GSG1L: variants seen among roughly 807,000 people sequenced by gnomAD.
GSG1L encodes the protein germ cell-specific gene 1-like protein.
A neutral mutation model predicts 42.1 loss-of-function variants in GSG1L; 24 were observed. The ratio of observed to expected loss-of-function variants is 0.57; its 90% CI spans 0.41 to 0.80. The LOEUF is 0.80. GSG1L is among the 30% of genes least tolerant of loss of function. The pLI is 0.00. For synonymous variants in GSG1L, 215 were observed against 203.5 expected, an observed-to-expected ratio of 1.06 and a Z score of -0.48; for missense variants, 445 against 472.2, an observed-to-expected ratio of 0.94 and a Z score of 0.53.
At chr16:28,031,443 G>A (rs2085963416) in intron 1 of GSG1L, among the ~76,000 whole-genome samples, 1 of 151,856 alleles carries the variant, frequency 6.6e-6, no homozygotes, top group Non-Finnish European at 1.5e-5. Context: ...TGGGATGATG[G>A]GATGGGATGG....
intron 1 of GSG1L, among the ~76,000 whole-genome samples, chr16:28,028,001 G>C (rs533255456): frequency 3.9e-5 from 6 of 152,298 alleles, no homozygotes; most frequent in African/African-American, 1.2e-4. Context: ...GACACCTAAG[G>C]CCTCAGCAGC....
chr16:27,801,165 C>A (rs940747673), intron 6 of GSG1L, among the ~76,000 whole-genome samples: 1 of 152,100 alleles, frequency 6.6e-6, no homozygotes, highest in Non-Finnish European at 1.5e-5. Context: ...GTCAGGTTGG[C>A]TGGGGCAGCA....
At chr16:27,847,726 G>A (rs1444767262) in intron 3 of GSG1L, among the ~76,000 whole-genome samples, 1 of 152,216 alleles carries the variant, frequency 6.6e-6, no homozygotes, top group African/African-American at 2.4e-5. Context: ...GTGATAGCGA[G>A]TGAGTTCTCA....
chr16:27,807,869 C>CGAAT (rs921076318), intron 5 of GSG1L, among the ~76,000 whole-genome samples: 1 of 152,052 alleles, frequency 6.6e-6, no homozygotes, highest in Non-Finnish European at 1.5e-5. Context: ...AAATTATTTG[C>CGAAT]GAATGGTATA....
At chr16:28,021,597 T>A (rs898850214) in intron 1 of GSG1L, among the ~76,000 whole-genome samples, 6 of 152,170 alleles carry the variant, frequency 3.9e-5, no homozygotes, top group African/African-American at 1.2e-4. Context: ...ATTTAATCAG[T>A]TAAATAATGC....
At chr16:27,822,667 C>G (rs773616681) in intron 5 of GSG1L, among the ~76,000 whole-genome samples, 71 of 152,116 alleles carry the variant, frequency 4.7e-4, no homozygotes, top group Non-Finnish European at 9.3e-4. Flanking sequence ...GATCTGCCTG[C>G]ATCAGCCTCC....
chr16:27,891,884 CT>C lies in GSG1L; in HGVS notation c.398-7247del, dbSNP rs60746199. Among the ~76,000 whole-genome samples the C allele has an allele frequency of 3.5e-3, 257 of 74,298 alleles. 2 individuals are homozygous for C. In the East Asian group the frequency reaches 0.042, roughly 12 times the overall value. 48.7% of individuals were successfully genotyped at this position (74,298 alleles called of 152,430 possible). On this transcript the variant is annotated intron_variant, in intron 2 of 6. Coordinates refer to ENST00000447459, the MANE Select transcript of GSG1L (RefSeq NM_001109763.2). ...TCTGCAGGTACCGTCAGTGACAGATCTTTTTTTTTTTTTTTTTTTTTTTTAA... is the reference window on the plus strand; with the variant it reads ...TCTGCAGGTACCGTCAGTGACAGATCTTTTTTTTTTTTTTTTTTTTTTTAA...
At chr16:27,855,512 G>C (rs1406446317) in intron 3 of GSG1L, among the ~76,000 whole-genome samples, 2 of 152,014 alleles carry the variant, frequency 1.3e-5, no homozygotes, top group South Asian at 4.1e-4. Context: ...CTGAGGTCAG[G>C]AGTTCGAGAC....
intron 4 of GSG1L, among the ~76,000 whole-genome samples, chr16:27,836,955 G>A (rs746505685): frequency 6.6e-6 from 1 of 152,182 alleles, no homozygotes; most frequent in Non-Finnish European, 1.5e-5. Context: ...GCTCTAGTTG[G>A]CTTCCTTTCA....
chr16:27,891,699 C>T (rs1418999399), intron 2 of GSG1L, among the ~76,000 whole-genome samples: 8 of 151,918 alleles, frequency 5.3e-5, no homozygotes, highest in African/African-American at 1.7e-4. Context: ...TCTGAAACTC[C>T]TGGGCTCAAG....
intron 5 of GSG1L, among the ~76,000 whole-genome samples, chr16:27,827,901 TCC>T (rs34909926): frequency 0.044 from 3,206 of 72,092 alleles, 50 homozygotes; most frequent in African/African-American, 0.068. Context: ...CATCCATCCA[TCC>T]CTTCACCTAC....
chr16:28,030,771 G>GATGGGATGGA lies in GSG1L; in HGVS notation c.349+32304_349+32305insTCCATCCCAT, dbSNP rs1420355207. Among the ~76,000 whole-genome samples the GATGGGATGGA allele has an allele frequency of 3.2e-4, 44 of 136,856 alleles. 2 individuals carry two copies. The South Asian group carries it at 6.5e-3, about 20-fold the overall frequency. The allele number at this position is 136,856 out of a possible 152,430, so 89.8% of individuals were successfully genotyped here. A position where few individuals can be genotyped will look rare whatever the true frequency, so the allele number is the denominator to read the frequency against. ...GTTAGGATGGAATGGGATGGGATGG[G>GATGGGATGGA]ATGGGATGGGATGGGATGGGATGGG... On this transcript the variant is annotated intron_variant, in intron 1 of 6. Transcript: ENST00000447459.
At chr16:27,826,763 C>T (rs1027431375) in intron 5 of GSG1L, among the ~76,000 whole-genome samples, 3 of 152,178 alleles carry the variant, frequency 2.0e-5, no homozygotes, top group South Asian at 2.1e-4. Context: ...GTAAGCCCCA[C>T]GTGTTGGGCA....
At chr16:28,054,721 T>A (rs1488403294) in intron 1 of GSG1L, among the ~76,000 whole-genome samples, 1 of 151,990 alleles carries the variant, frequency 6.6e-6, no homozygotes, top group Non-Finnish European at 1.5e-5. Flanking sequence ...GGGAACTCAA[T>A]CCTGTCAAGA....
chr16:27,836,798 C>T (rs1029717156), intron 4 of GSG1L, among the ~76,000 whole-genome samples: 4 of 152,146 alleles, frequency 2.6e-5, no homozygotes, highest in Non-Finnish European at 5.9e-5. Flanking sequence ...TGATTTTTAA[C>T]ATTTCTGTCA....
intron 1 of GSG1L, among the ~76,000 whole-genome samples, chr16:28,024,238 AGCCCAGCTCTGGG>A (rs2085877079): frequency 2.0e-5 from 3 of 152,172 alleles, no homozygotes; most frequent in African/African-American, 7.2e-5. Context: ...AGACACATGG[AGCCCAGCTCTGGG>A]GCTGGCAGAG....
chr16:27,819,821 G>A lies in GSG1L; in HGVS notation c.830+8968C>T, dbSNP rs561014487. On this transcript the variant is annotated intron_variant, in intron 5 of 6. Transcript: ENST00000447459. ...GTTACCCTGATGACGTTAGCATATT[G>A]AGGAGGCATTGCAGCTTCTGGGGTG... Among the ~76,000 whole-genome samples the A allele has an allele frequency of 2.5e-4, 38 of 152,304 alleles. 1 individual carries two copies. The South Asian group carries it at 7.0e-3, about 28-fold the overall frequency.
At chr16:27,960,664 G>C (rs1432453146) in intron 2 of GSG1L, among the ~76,000 whole-genome samples, 1 of 152,160 alleles carries the variant, frequency 6.6e-6, no homozygotes, top group Non-Finnish European at 1.5e-5. Context: ...ATGGGTCTGA[G>C]GGTGCCACGT....
At chr16:27,791,775 C>A (rs1235929953) in intron 6 of GSG1L, among the ~76,000 whole-genome samples, 1 of 152,038 alleles carries the variant, frequency 6.6e-6, no homozygotes, top group Admixed American at 6.5e-5. Flanking sequence ...CCCTCTCCAA[C>A]CCACAGCCCA....
Sources: allele counts gnomAD v4.1 joint callset (sites outside exome capture counted in the v4.1 genomes callset), GRCh38; gene constraint gnomAD v4.1.1; transcripts MANE v1.5; gene names NCBI Gene and HGNC (gene_info 2026-07-23, HGNC 2026-07-21).